The following PPFIA2 variants were observed in gnomAD, a reference collection of about 807,000 sequenced individuals.
The protein encoded by PPFIA2 is PPFI scaffold protein A2.
A neutral mutation model predicts 175.5 loss-of-function variants in PPFIA2; 46 were observed. The ratio of observed to expected loss-of-function variants is 0.26; its 90% CI spans 0.21 to 0.34. The LOEUF is 0.34. Among genes scored for constraint, PPFIA2 ranks in the 10% least tolerant of loss-of-function variants. PPFIA2 has a pLI of 1.00. For synonymous variants in PPFIA2, 568 were observed against 511.4 expected (o/e 1.11, Z -1.49); for missense variants, 1,179 against 1,506.1 (o/e 0.78, Z 3.60).
intron 3 of PPFIA2, among the ~76,000 whole-genome samples, chr12:81,732,425 A>G (rs891169837): frequency 9.3e-5 from 14 of 151,178 alleles, no homozygotes; most frequent in African/African-American, 3.4e-4. Context: ...GAAGTATTCA[A>G]TTCTTCCTCT....
chr12:81,358,108 T>C lies in PPFIA2; in HGVS notation c.1747A>G (p.Met583Val), dbSNP rs912673577. Residue 583 changes from methionine to valine, a missense_variant, in exon 16 of 33, where the codon ATG (methionine) becomes GTG (valine). By Grantham distance (21) the Met-to-Val change is conservative (BLOSUM62 1). Transcript: ENST00000549396. The part of the protein sequence containing the change: ...KVIRRPRRGR[M>V]GVRRDEPKVK... Reference sequence around the variant, plus strand: ...TTTGGCTCATCTCTTCGCACACCCATGCGGCCTCTCCTTGGTCTTCTTATT... The same window carrying C: ...TTTGGCTCATCTCTTCGCACACCCACGCGGCCTCTCCTTGGTCTTCTTATT... The C allele has an allele frequency of 1.9e-6, 3 of 1,605,792 alleles. No individual in the cohort carries two copies. The highest frequency in any genetic ancestry group is 1.7e-5 in the Admixed American group (1 of 59,206).
chr12:81,660,951 T>G (rs1443425815), intron 4 of PPFIA2, among the ~76,000 whole-genome samples: 2 of 152,068 alleles, frequency 1.3e-5, no homozygotes, highest in African/African-American at 4.8e-5. Flanking sequence ...CAAACTAAGC[T>G]TCATAAGTGA....
chr12:81,587,047 A>G (rs1439786038), intron 4 of PPFIA2, among the ~76,000 whole-genome samples: 1 of 151,988 alleles, frequency 6.6e-6, no homozygotes, highest in East Asian at 1.9e-4. Context: ...AGGAAAGTAA[A>G]AATAGAGAAA....
chr12:81,754,323 A>G (rs2084305802), intron 2 of PPFIA2, 100 bp from the exon 3 acceptor site: 1 of 1,387,358 alleles, frequency 7.2e-7, no homozygotes, highest in Admixed American at 2.2e-5. Context: ...TTATTAGCCT[A>G]TTTGTCTCTA....
At chr12:81,591,265 CAA>C (rs1415115409) in intron 4 of PPFIA2, among the ~76,000 whole-genome samples, 1 of 152,058 alleles carries the variant, frequency 6.6e-6, no homozygotes, top group Non-Finnish European at 1.5e-5. Context: ...TTCAAAGCAG[CAA>C]AACATTCAAG....
chr12:81,701,787 T>C (rs1344700420), intron 3 of PPFIA2, among the ~76,000 whole-genome samples: 1 of 152,008 alleles, frequency 6.6e-6, no homozygotes, highest in African/African-American at 2.4e-5. Context: ...ATTAAAACTA[T>C]ACAAATAAAG....
chr12:81,325,921 A>G (rs1324129283), intron 21 of PPFIA2, 51 bp from the exon 22 acceptor site: 1 of 1,332,970 alleles, frequency 7.5e-7, no homozygotes, highest in East Asian at 2.3e-5. Context: ...AGGTTGTGTC[A>G]ATTCTGAAGT....
intron 4 of PPFIA2, among the ~76,000 whole-genome samples, chr12:81,582,569 CTCA>C (rs2074577632): frequency 1.3e-5 from 2 of 151,814 alleles, no homozygotes; most frequent in African/African-American, 2.4e-5. Flanking sequence ...GACTGTCCCT[CTCA>C]TCATTATCTA....
chr12:81,545,429 T>C (rs1462378779), intron 4 of PPFIA2: 2 of 152,338 alleles, frequency 1.3e-5, no homozygotes, highest in Non-Finnish European at 2.9e-5. Flanking sequence ...TGTGCTAGAG[T>C]ACAATGGAGG....
chr12:81,407,544 A>T (rs918904019), intron 7 of PPFIA2, among the ~76,000 whole-genome samples: 47 of 150,648 alleles, frequency 3.1e-4, no homozygotes, highest in Non-Finnish European at 3.2e-4. Context: ...AAATTTTGTT[A>T]AAAAAACCTA....
chr12:81,675,413 A>C (rs530778786), intron 4 of PPFIA2: 1 of 152,134 alleles, frequency 6.6e-6, no homozygotes, highest in East Asian at 1.9e-4. Flanking sequence ...GTTTAGAAAC[A>C]TGCTTTCTTA....
chr12:81,291,700 C>T (rs2045066340), intron 24 of PPFIA2, among the ~76,000 whole-genome samples: 1 of 151,822 alleles, frequency 6.6e-6, no homozygotes, highest in Non-Finnish European at 1.5e-5. Flanking sequence ...GGAGTGGTAA[C>T]TCAGGAAGGA....
At chr12:81,500,746 A>T (rs546835824) in intron 4 of PPFIA2, among the ~76,000 whole-genome samples, 1 of 152,298 alleles carries the variant, frequency 6.6e-6, no homozygotes, top group South Asian at 2.1e-4. Flanking sequence ...TCATGCATTC[A>T]TGTGTGCTAA....
At chr12:81,299,259 A>G in intron 23 of PPFIA2, 42 bp downstream of exon 23, 5 of 1,553,416 alleles carry the variant, frequency 3.2e-6, no homozygotes, top group Non-Finnish European at 3.5e-6. Flanking sequence ...TTATCAACTT[A>G]GTAGTGATTG....
chr12:81,751,413 C>CTT (rs10717907), intron 3 of PPFIA2, among the ~76,000 whole-genome samples: 58 of 147,106 alleles, frequency 3.9e-4, no homozygotes, highest in Admixed American at 7.5e-4. Context: ...TATTTACAGT[C>CTT]TTTTTTTTTT....
intron 32 of PPFIA2, chr12:81,260,951 C>G (rs2035277245): frequency 6.6e-6 from 1 of 152,086 alleles, no homozygotes; most frequent in Admixed American, 6.6e-5. Context: ...CACAGTTTTA[C>G]TATTAAGACT....
Position 81,422,134 on chromosome 12 carries a change from ATATGTGTATATATATGTGTG to A in PPFIA2, c.646-16251_646-16232del, listed in dbSNP as rs1225341149. ...TATGTGTATATATATGTGTGTATATATATGTGTATATATATGTGTGTATATATATATATATATATGTCATT... is the reference window on the plus strand; with the variant it reads ...TATGTGTATATATATGTGTGTATATATATATATATATATATATATGTCATT... On this transcript the variant is annotated intron_variant, in intron 7 of 32. Coordinates refer to ENST00000549396, the MANE Select transcript of PPFIA2 (RefSeq NM_003625.5). 1.7e-3 allele frequency among the ~76,000 whole-genome samples: 119 copies of A among 70,976 alleles called. 1 individual carries two copies. The highest frequency in any genetic ancestry group is 0.012 in the East Asian group (22 of 1,762). The allele number at this position is 70,976 out of a possible 152,430, so 46.6% of individuals were successfully genotyped here.
At chr12:81,536,965 G>A (rs938538373) in intron 4 of PPFIA2, among the ~76,000 whole-genome samples, 13 of 150,816 alleles carry the variant, frequency 8.6e-5, no homozygotes, top group Non-Finnish European at 1.6e-4. Flanking sequence ...GTTCCCCACC[G>A]GTTATTGACA....
chr12:81,665,518 G>T (rs1340389421), intron 4 of PPFIA2, among the ~76,000 whole-genome samples: 1 of 151,954 alleles, frequency 6.6e-6, no homozygotes, highest in Admixed American at 6.6e-5. Context: ...AACTACATTT[G>T]CATGTGCCCT....
Sources: gnomAD v4.1 joint callset for allele counts (sites outside exome capture counted in the v4.1 genomes callset) on GRCh38, gnomAD v4.1.1 for gene constraint, MANE v1.5 for transcripts, NCBI Gene and HGNC (gene_info 2026-07-23, HGNC 2026-07-21) for gene names.